Variants in DYNC2H1 observed in about 807,000 individuals in gnomAD.
DYNC2H1 encodes dynein cytoplasmic 2 heavy chain 1, also known as cytoplasmic dynein 2 heavy chain 1.
Under a neutral mutation model 570.0 loss-of-function variants are expected in DYNC2H1, and 410 were observed. The ratio of observed to expected loss-of-function variants is 0.72; its 90% CI spans 0.66 to 0.78. The LOEUF is 0.78. Among genes scored for constraint, DYNC2H1 ranks in the 30% least tolerant of loss-of-function variants. The pLI is 0.00. For missense variants in DYNC2H1, 4,865 were observed against 5,046.4 expected, an observed-to-expected ratio of 0.96 and a Z score of 1.09; for synonymous variants, 1,688 against 1,677.6, an observed-to-expected ratio of 1.01 and a Z score of -0.15.
chr11:103,477,386 T>C (rs1945586786), intron 88 of DYNC2H1, among the ~76,000 whole-genome samples: 1 of 152,168 alleles, frequency 6.6e-6, no homozygotes, highest in Non-Finnish European at 1.5e-5. Context: ...ATTCCAACTC[T>C]GCAAAGTAAT....
intron 35 of DYNC2H1, among the ~76,000 whole-genome samples, chr11:103,173,637 A>G (rs1023538422): frequency 6.6e-6 from 1 of 152,040 alleles, no homozygotes; most frequent in Non-Finnish European, 1.5e-5. Context: ...AATCCTTCAC[A>G]ATTTTTCTTA....
intron 73 of DYNC2H1, among the ~76,000 whole-genome samples, chr11:103,285,515 C>T (rs749050887): frequency 9.3e-5 from 14 of 150,872 alleles, no homozygotes; most frequent in Non-Finnish European, 1.6e-4. Flanking sequence ...TTCTGCCTCC[C>T]GAGTTCAAGT....
At chr11:103,436,280 A>G (rs1944058147) in intron 85 of DYNC2H1, among the ~76,000 whole-genome samples, 1 of 151,514 alleles carries the variant, frequency 6.6e-6, no homozygotes, top group South Asian at 2.1e-4. Flanking sequence ...AAAATTTACA[A>G]TTTTAGTACA....
Position 103,211,799 on chromosome 11 carries a change from T to G in DYNC2H1, c.8550T>G (p.Asp2850Glu), listed in dbSNP as rs1863164629. The G allele has an allele frequency of 5.2e-6, 7 of 1,350,462 alleles. No homozygotes were observed. Among genetic ancestry groups the G allele is most frequent in the Non-Finnish European group, 6.9e-6 (7 of 1,019,430 alleles). 83.7% of individuals were successfully genotyped at this position (1,350,462 alleles called of 1,614,324 possible). A position where few individuals can be genotyped will look rare whatever the true frequency, so the allele number is the denominator to read the frequency against. ...EEKKKNSVDP[D>E]FLKSFLLIHE... ...TCTATTTTTTTCTAGTTGATCCTGA[T>G]TTTCTAAAATCATTTTTATTAATCC... is the stretch of plus-strand genomic sequence containing the variant. Residue 2850 changes from aspartate to glutamate, a missense_variant, in exon 54 of 89, where the codon GAT becomes GAG. Around this residue, in one of 5 missense-constraint regions of DYNC2H1, gnomAD observed 2,401 missense variants for 2,454.6 expected, o/e 0.98. Coordinates refer to ENST00000375735, the MANE Select transcript of DYNC2H1 (RefSeq NM_001377.3).
Position 103,399,760 on chromosome 11 carries a change from G to A in DYNC2H1, c.12254G>A (p.Arg4085His), listed in dbSNP as rs115480556. 1.2e-3 allele frequency: 1,987 copies of A among 1,613,762 alleles called. 26 individuals are homozygous for A. In the African/African-American group the frequency reaches 0.023, roughly 19 times the overall value. The change falls in exon 84 of 89, where the codon CGT (arginine) becomes CAT (histidine). Residue 4085 changes from arginine (R) to histidine (H), a missense_variant. Around this residue, in one of 5 missense-constraint regions of DYNC2H1, gnomAD observed 2,401 missense variants for 2,454.6 expected, o/e 0.98. Transcript: ENST00000375735. Reference protein sequence around the residue: ...FIILEQFNAIRLVQSVHQSLA... With the variant: ...FIILEQFNAIHLVQSVHQSLA... Reference sequence around the variant, plus strand: ...ATTCTTGAACAATTTAATGCTATTCGTTTAGTACAAAGTGTCCACCAGTCT... The same window carrying A: ...ATTCTTGAACAATTTAATGCTATTCATTTAGTACAAAGTGTCCACCAGTCT...
chr11:103,423,999 A>C (rs1279378249), intron 84 of DYNC2H1, among the ~76,000 whole-genome samples: 1 of 152,154 alleles, frequency 6.6e-6, no homozygotes, highest in Non-Finnish European at 1.5e-5. Flanking sequence ...GAATAAATTT[A>C]ACAAAAGGAG....
intron 82 of DYNC2H1, among the ~76,000 whole-genome samples, chr11:103,349,765 T>G (rs1014448679): frequency 2.0e-5 from 3 of 152,172 alleles, no homozygotes; most frequent in African/African-American, 7.2e-5. Flanking sequence ...AATGTCATAT[T>G]ACCTTGAAAA....
At chr11:103,263,178 C>A (rs998183036) in intron 70 of DYNC2H1, among the ~76,000 whole-genome samples, 1 of 152,022 alleles carries the variant, frequency 6.6e-6, no homozygotes, top group Non-Finnish European at 1.5e-5. Flanking sequence ...ATATATGCGC[C>A]CAGTACAGGA....
At chr11:103,119,101 A>G (rs1260218205) in intron 6 of DYNC2H1, among the ~76,000 whole-genome samples, 2 of 152,110 alleles carry the variant, frequency 1.3e-5, no homozygotes, top group East Asian at 1.9e-4. Context: ...ATAATTGCTT[A>G]TTTCTTTTTA....
At chr11:103,195,842 A>T (rs2135065739) in intron 47 of DYNC2H1, among the ~76,000 whole-genome samples, 1 of 152,284 alleles carries the variant, frequency 6.6e-6, no homozygotes, top group African/African-American at 2.4e-5. Context: ...TCAGCATTCA[A>T]GTATTATACA....
At chr11:103,220,602 A>G in intron 56 of DYNC2H1, 21 bp from the exon 57 acceptor site, 1 of 1,562,158 alleles carries the variant, frequency 6.4e-7, no homozygotes, top group East Asian at 2.3e-5. Context: ...TGAAGATAAA[A>G]ATGGCCTTTT....
At chr11:103,459,925 G>A (rs1484321658) in intron 87 of DYNC2H1, among the ~76,000 whole-genome samples, 1 of 136,594 alleles carries the variant, frequency 7.3e-6, no homozygotes, top group Non-Finnish European at 1.5e-5. Context: ...GCAGTCCGCA[G>A]TCCGGCCTGG....
At position 103,472,446 on chromosome 11, in the gene DYNC2H1, C is replaced by A. The variant is rs1031260836; in HGVS notation, c.12765+3741C>A. 6.6e-6 allele frequency among the ~76,000 whole-genome samples: 1 copy of A among 152,048 alleles called. No homozygotes were observed. Among genetic ancestry groups the A allele is most frequent in the Admixed American group, 6.6e-5 (1 of 15,264 alleles). ...GATCAGATTTGTAGTTTTAGAAAAT[C>A]GGTCTAGCAGTGAGTGGTTGGATAA... On this transcript the variant is annotated intron_variant, in intron 88 of 88. Coordinates refer to ENST00000375735, the MANE Select transcript of DYNC2H1 (RefSeq NM_001377.3). The surrounding 1 kb of genome is among the most constrained non-coding windows in gnomAD (Gnocchi z 4.1).
rs762343024 is a variant in DYNC2H1 at position 103,128,941 on chromosome 11, A to G, written c.1889A>G (p.Gln630Arg). The G allele has an allele frequency of 4.4e-6, 7 of 1,599,858 alleles. No individual in the cohort carries two copies. The Admixed American group carries it at 5.1e-5, about 12-fold the overall frequency. ...VAHFYNSIDQQMIQSQRPMML... is the reference protein window; with the variant it reads ...VAHFYNSIDQRMIQSQRPMML... Reference sequence around the variant, plus strand: ...CATTTTTATAATTCTATTGATCAACAAATGATTCAAAGTCAGAGGCCAATG... The same window carrying G: ...CATTTTTATAATTCTATTGATCAACGAATGATTCAAAGTCAGAGGCCAATG... Residue 630 changes from glutamine (Q) to arginine (R), a missense_variant, in exon 13 of 89, where the codon CAA (glutamine) becomes CGA (arginine). Physicochemically the swap from Gln to Arg is conservative, Grantham distance 43. This residue lies in a region of DYNC2H1 where 1,936 missense variants were observed against 1,962.1 expected (regional missense o/e 0.99). Coordinates refer to ENST00000375735, the MANE Select transcript of DYNC2H1 (RefSeq NM_001377.3).
intron 15 of DYNC2H1, 74 bp downstream of exon 15, chr11:103,134,493 G>A: frequency 8.5e-7 from 1 of 1,179,274 alleles, no homozygotes; most frequent in Non-Finnish European, 1.2e-6. Flanking sequence ...TATATGAATT[G>A]CCGAGAAGTT....
chr11:103,284,534 G>A (rs1319761717), intron 73 of DYNC2H1, among the ~76,000 whole-genome samples: 1 of 148,264 alleles, frequency 6.7e-6, no homozygotes, highest in African/African-American at 2.4e-5. Flanking sequence ...ATAATATAAT[G>A]TGTAGCACAC....
chr11:103,257,395 G>T (rs985781205), intron 68 of DYNC2H1, among the ~76,000 whole-genome samples: 3 of 152,090 alleles, frequency 2.0e-5, no homozygotes, highest in African/African-American at 7.2e-5. Context: ...TATATTCTTT[G>T]CAGTTTTATA....
rs182438435 is a variant in DYNC2H1, at chr11:103,340,962, C to T, written c.12039+16972C>T. Among the ~76,000 whole-genome samples the T allele has an allele frequency of 3.6e-3, 546 of 152,084 alleles. 4 individuals are homozygous for T. Among genetic ancestry groups the T allele is most frequent in the Non-Finnish European group, 5.4e-3 (364 of 68,004 alleles). On this transcript the variant is annotated intron_variant, in intron 82 of 88. Transcript: ENST00000375735. ...AGTTACAAAGGTTAGAGATTTAAAA[C>T]TCCAAGCAGAATTTGGGCATTAAGT... is the stretch of plus-strand genomic sequence containing the variant.
Position 103,120,581 on chromosome 11 carries a change from G to T in DYNC2H1, c.1134G>T (p.Glu378Asp). 1 of 1,608,620 alleles carries T rather than the reference G, an allele frequency of 6.2e-7. No individual in the cohort carries two copies. The highest frequency in any genetic ancestry group is 8.5e-7 in the Non-Finnish European group (1 of 1,177,588). ...CTGTGCAATATAATCCATATACTGA[G>T]GTTGTATATATATTTGTTTATGTCT... ...LNPVQYNPYT[E>D]PLWKAAVSQY... Residue 378 changes from glutamate (E) to aspartate (D), a missense_variant and splice_region_variant, in exon 7 of 89, where the codon GAG becomes GAT. Glu to Asp is a conservative substitution (Grantham distance 45). Around this residue, in one of 5 missense-constraint regions of DYNC2H1, gnomAD observed 1,936 missense variants for 1,962.1 expected, o/e 0.99. Transcript: ENST00000375735.
Sources: allele counts gnomAD v4.1 joint callset (sites outside exome capture counted in the v4.1 genomes callset), GRCh38; gene constraint gnomAD v4.1.1; regional missense constraint gnomAD v4.1.1; non-coding constraint Gnocchi (gnomAD v3.1); transcripts MANE v1.5; gene names NCBI Gene and HGNC (gene_info 2026-07-23, HGNC 2026-07-21).